The following IGSF21 variants were observed in gnomAD, a reference collection of about 807,000 sequenced individuals.
The protein encoded by IGSF21 is immunoglobin superfamily member 21.
A neutral mutation model predicts 46.8 loss-of-function variants in IGSF21; 28 were observed. The observed-to-expected ratio is 0.60, with a 90% CI of 0.44 to 0.82. The LOEUF (loss-of-function observed/expected upper bound fraction) is 0.82. Among genes scored for constraint, IGSF21 ranks in the 40% least tolerant of loss-of-function variants. The pLI, the probability that IGSF21 is intolerant of heterozygous loss-of-function variation, is 0.00. For missense variants in IGSF21, 624 were observed against 665.5 expected, an observed-to-expected ratio of 0.94 and a Z score of 0.69; for synonymous variants, 284 against 273.6, an observed-to-expected ratio of 1.04 and a Z score of -0.38.
chr1:18,191,696 T>G (rs2086958204), intron 1 of IGSF21, among the ~76,000 whole-genome samples: 2 of 152,054 alleles, frequency 1.3e-5, no homozygotes, highest in African/African-American at 4.8e-5. Context: ...TTTGGATGCT[T>G]TTGTGCTGAA....
chr1:18,309,105 G>T (rs1255629979), intron 3 of IGSF21, among the ~76,000 whole-genome samples: 3 of 151,964 alleles, frequency 2.0e-5, no homozygotes, highest in African/African-American at 7.3e-5. Flanking sequence ...CTTGCCCCGA[G>T]CAGAGCCACT....
intron 1 of IGSF21, among the ~76,000 whole-genome samples, chr1:18,187,754 A>G (rs906011407): frequency 6.6e-6 from 1 of 152,022 alleles, no homozygotes; most frequent in Non-Finnish European, 1.5e-5. Flanking sequence ...CACATTAGGG[A>G]TTAGGGCTAG....
chr1:18,129,099 A>T (rs1482532726), intron 1 of IGSF21, among the ~76,000 whole-genome samples: 1 of 152,196 alleles, frequency 6.6e-6, no homozygotes. Flanking sequence ...GAGGAGCAAC[A>T]GTAAGTCAGT....
intron 2 of IGSF21, among the ~76,000 whole-genome samples, chr1:18,231,646 C>T (rs1320765266): frequency 6.6e-6 from 1 of 152,200 alleles, no homozygotes; most frequent in Non-Finnish European, 1.5e-5. Context: ...TTTCCTCAGT[C>T]AGACTAGCCA....
chr1:18,259,388 C>A (rs991719835), intron 2 of IGSF21, among the ~76,000 whole-genome samples: 1 of 152,270 alleles, frequency 6.6e-6, no homozygotes, highest in African/African-American at 2.4e-5. Flanking sequence ...GTGCTCAGTA[C>A]AGGCTAGTAT....
At chr1:18,172,721 G>T (rs1007957973) in intron 1 of IGSF21, among the ~76,000 whole-genome samples, 2 of 152,146 alleles carry the variant, frequency 1.3e-5, no homozygotes, top group Admixed American at 6.5e-5. Context: ...GGGGGTTAGG[G>T]CTTCAACATA....
chr1:18,368,458 C>A (rs2086189661), intron 6 of IGSF21, among the ~76,000 whole-genome samples: 1 of 150,340 alleles, frequency 6.7e-6, no homozygotes, highest in Non-Finnish European at 1.5e-5. Flanking sequence ...CTGCAGTGAG[C>A]CGAGATTGCA....
At chr1:18,197,014 T>C (rs1016582581) in intron 1 of IGSF21, among the ~76,000 whole-genome samples, 8 of 152,246 alleles carry the variant, frequency 5.3e-5, no homozygotes, top group Non-Finnish European at 8.8e-5. Context: ...GCCCGGCTGC[T>C]GATGGTTATC....
At chr1:18,180,763 C>T (rs1274181424) in intron 1 of IGSF21, among the ~76,000 whole-genome samples, 2 of 152,214 alleles carry the variant, frequency 1.3e-5, no homozygotes, top group Admixed American at 1.3e-4. Flanking sequence ...CATATATTAA[C>T]TCATTTAAGG....
chr1:18,300,001 G>A (rs1434894053), intron 3 of IGSF21, among the ~76,000 whole-genome samples: 3 of 152,094 alleles, frequency 2.0e-5, no homozygotes, highest in African/African-American at 2.4e-5. Context: ...GAGGTGGGAG[G>A]ATCACTTGAG....
intron 3 of IGSF21, among the ~76,000 whole-genome samples, chr1:18,305,613 G>C (rs1557635354): frequency 6.6e-6 from 1 of 151,512 alleles, no homozygotes. Context: ...TAGATGGATG[G>C]ATGGATGGAT....
intron 2 of IGSF21, among the ~76,000 whole-genome samples, chr1:18,278,687 G>A (rs2085128686): frequency 6.6e-6 from 1 of 151,250 alleles, no homozygotes; most frequent in Admixed American, 6.6e-5. Flanking sequence ...CTGAGTAGCT[G>A]GGACTACAGG....
At chr1:18,166,777 A>G (rs1479706247) in intron 1 of IGSF21, among the ~76,000 whole-genome samples, 3 of 152,172 alleles carry the variant, frequency 2.0e-5, no homozygotes, top group African/African-American at 7.2e-5. Flanking sequence ...CTGTCCTTCA[A>G]AGCCCAAATG....
intron 2 of IGSF21, among the ~76,000 whole-genome samples, chr1:18,235,978 C>T (rs2084669377): frequency 6.6e-6 from 1 of 152,094 alleles, no homozygotes. Context: ...GGCTTGCTAA[C>T]ATGTGGAAGG....
chr1:18,149,734 G>C (rs1570269914), intron 1 of IGSF21, among the ~76,000 whole-genome samples: 1 of 151,866 alleles, frequency 6.6e-6, no homozygotes, highest in East Asian at 2.0e-4. Flanking sequence ...TCCATCTCTA[G>C]ACTCTGGCTC....
chr1:18,374,948 A>C (rs1306968978), intron 6 of IGSF21, among the ~76,000 whole-genome samples: 1 of 152,054 alleles, frequency 6.6e-6, no homozygotes, highest in Non-Finnish European at 1.5e-5. Context: ...ACTCAATGGG[A>C]TCTGTCTCCC....
chr1:18,294,445 T>C (rs1349649059), intron 3 of IGSF21, among the ~76,000 whole-genome samples: 1 of 152,180 alleles, frequency 6.6e-6, no homozygotes, highest in Non-Finnish European at 1.5e-5. Context: ...TGCAGGCAGG[T>C]ATTATTATTA....
chr1:18,131,872 T>C (rs1282311458), intron 1 of IGSF21, among the ~76,000 whole-genome samples: 1 of 152,186 alleles, frequency 6.6e-6, no homozygotes, highest in Non-Finnish European at 1.5e-5. Context: ...CTGGCCACAC[T>C]TGCATACAGG....
chr1:18,305,953 A>G (rs568291394), intron 3 of IGSF21, among the ~76,000 whole-genome samples: 2 of 152,344 alleles, frequency 1.3e-5, no homozygotes, highest in African/African-American at 4.8e-5. Context: ...CCTCATGTCC[A>G]GCTAAGAGCT....
Sources: allele counts gnomAD v4.1 joint callset (sites outside exome capture counted in the v4.1 genomes callset), GRCh38; gene constraint gnomAD v4.1.1; transcripts MANE v1.5; gene names NCBI Gene and HGNC (gene_info 2026-07-23, HGNC 2026-07-21).